AKAP19: variants seen among roughly 807,000 people sequenced by gnomAD.
AKAP19 encodes A-kinase anchoring protein 19.
the AKAP19 span, among the ~76,000 whole-genome samples, chr2:189,934,039 T>C: frequency 6.6e-6 from 1 of 152,142 alleles, no homozygotes; most frequent in Non-Finnish European, 1.5e-5. Flanking sequence ...TTTTTCTAAG[T>C]CATCTAAACT....
the AKAP19 span, among the ~76,000 whole-genome samples, chr2:189,954,150 C>A: frequency 6.6e-6 from 1 of 152,158 alleles, no homozygotes; most frequent in African/African-American, 2.4e-5. Flanking sequence ...AAGAAACATT[C>A]CGCAAGTCTT....
the AKAP19 span, among the ~76,000 whole-genome samples, chr2:189,894,840 A>G: frequency 6.6e-6 from 1 of 151,636 alleles, no homozygotes; most frequent in African/African-American, 2.4e-5. Flanking sequence ...TTCAAATATC[A>G]GGAAAGATTT....
At chr2:189,935,298 G>C in the AKAP19 span, among the ~76,000 whole-genome samples, 1 of 144,658 alleles carries the variant, frequency 6.9e-6, no homozygotes, top group Non-Finnish European at 1.5e-5. Context: ...GAACTAGCAC[G>C]TGTGCAAAAA....
the AKAP19 span, among the ~76,000 whole-genome samples, chr2:190,055,130 A>G: frequency 6.6e-6 from 1 of 152,134 alleles, no homozygotes; most frequent in Non-Finnish European, 1.5e-5. Flanking sequence ...CATATACACC[A>G]TGGAATACTA....
At chr2:190,155,497 A>T in the AKAP19 span, among the ~76,000 whole-genome samples, 2 of 152,322 alleles carry the variant, frequency 1.3e-5, no homozygotes, top group South Asian at 4.1e-4. Context: ...TAACTATTAG[A>T]TTAGACTAGA....
At chr2:189,992,882 A>C in the AKAP19 span, among the ~76,000 whole-genome samples, 1 of 152,156 alleles carries the variant, frequency 6.6e-6, no homozygotes, top group Non-Finnish European at 1.5e-5. Flanking sequence ...CTGAAACTTT[A>C]CTGAATTCAT....
the AKAP19 span, among the ~76,000 whole-genome samples, chr2:189,915,160 T>A: frequency 3.9e-5 from 6 of 152,136 alleles, no homozygotes; most frequent in Non-Finnish European, 8.8e-5. Flanking sequence ...TAGTTGACAG[T>A]CTACACTAGA....
chr2:189,992,979 T>A, the AKAP19 span, among the ~76,000 whole-genome samples: 1 of 152,206 alleles, frequency 6.6e-6, no homozygotes, highest in Admixed American at 6.5e-5. Flanking sequence ...CAGTTTGACT[T>A]CTTCTTTACC....
chr2:190,045,423 G>T, the AKAP19 span, among the ~76,000 whole-genome samples: 180 of 152,216 alleles, frequency 1.2e-3, no homozygotes, highest in Non-Finnish European at 2.0e-3. Flanking sequence ...CATGGTTGAG[G>T]CACGGCTGAA....
At chr2:189,963,243 G>T in the AKAP19 span, among the ~76,000 whole-genome samples, 1 of 143,472 alleles carries the variant, frequency 7.0e-6, no homozygotes, top group Non-Finnish European at 1.5e-5. Flanking sequence ...GCCCAGGCTG[G>T]AGTGCAGTGG....
the AKAP19 span, among the ~76,000 whole-genome samples, chr2:190,003,569 A>T: frequency 6.6e-6 from 1 of 152,166 alleles, no homozygotes; most frequent in Non-Finnish European, 1.5e-5. Context: ...ATTAATATAA[A>T]ATTGTACTCT....
At chr2:189,952,245 C>T in the AKAP19 span, among the ~76,000 whole-genome samples, 1 of 152,084 alleles carries the variant, frequency 6.6e-6, no homozygotes, top group African/African-American at 2.4e-5. Context: ...GTTACTCTGT[C>T]TTATGTTAGT....
the AKAP19 span, chr2:190,202,813 T>G: frequency 6.0e-6 from 1 of 166,958 alleles, no homozygotes; most frequent in African/African-American, 2.4e-5. Context: ...ATGTGCAAAT[T>G]CCTTATTTAC....
chr2:189,940,143 G>A, the AKAP19 span, among the ~76,000 whole-genome samples: 2 of 152,130 alleles, frequency 1.3e-5, no homozygotes, highest in African/African-American at 4.8e-5. Context: ...GCCTAGTGTG[G>A]TGGTGGGCCC....
At chr2:190,033,000 C>G in the AKAP19 span, among the ~76,000 whole-genome samples, 1 of 152,100 alleles carries the variant, frequency 6.6e-6, no homozygotes, top group Non-Finnish European at 1.5e-5. Flanking sequence ...ATCCACTCAA[C>G]CTTTCCTAGC....
the AKAP19 span, among the ~76,000 whole-genome samples, chr2:189,943,175 C>T: frequency 1.1e-4 from 16 of 152,146 alleles, no homozygotes; most frequent in Non-Finnish European, 2.2e-4. Flanking sequence ...CATCACAGGC[C>T]CAGAGGCCTA....
At chr2:190,180,389 G>A in the AKAP19 span, 2 of 846,298 alleles carry the variant, frequency 2.4e-6, no homozygotes, top group Non-Finnish European at 2.8e-6. The surrounding 1 kb of genome is among the most constrained non-coding windows in gnomAD (Gnocchi z 6.8). Flanking sequence ...GGAGGGCAGC[G>A]CCCCCTCTCA....
the AKAP19 span, among the ~76,000 whole-genome samples, chr2:190,071,580 T>C: frequency 6.6e-6 from 1 of 152,182 alleles, no homozygotes; most frequent in East Asian, 1.9e-4. Flanking sequence ...AGTGAAAATG[T>C]CATGTTAAAT....
the AKAP19 span, among the ~76,000 whole-genome samples, chr2:189,946,248 C>T: frequency 6.6e-6 from 1 of 152,158 alleles, no homozygotes; most frequent in African/African-American, 2.4e-5. Context: ...AGCATAAATA[C>T]AGCGTTAAAA....
Sources: gnomAD v4.1 joint callset for allele counts (sites outside exome capture counted in the v4.1 genomes callset) on GRCh38, gnomAD v4.1.1 for gene constraint, Gnocchi (gnomAD v3.1) non-coding constraint, MANE v1.5 for transcripts, NCBI Gene and HGNC (gene_info 2026-07-23, HGNC 2026-07-21) for gene names.